Variants in COL4A3 observed in about 807,000 individuals in gnomAD.
The protein encoded by COL4A3 is collagen type IV alpha 3 chain.
COL4A3 carries 135 observed loss-of-function variants against 217.4 expected under a neutral mutation model. That is an observed-to-expected ratio of 0.62 (90% CI 0.54 to 0.72). The LOEUF is 0.72. Ranked by LOEUF, COL4A3 falls within the 30% of genes least tolerant of loss-of-function variation. COL4A3 has a pLI of 0.00. For missense variants in COL4A3, 1,868 were observed against 2,119.9 expected (o/e 0.88, Z 2.33); for synonymous variants, 690 against 736.3 (o/e 0.94, Z 1.02).
intron 1 of COL4A3, among the ~76,000 whole-genome samples, chr2:227,189,676 C>A (rs1288480519): frequency 6.6e-6 from 1 of 152,158 alleles, no homozygotes; most frequent in African/African-American, 2.4e-5. Flanking sequence ...TTGTAAGTAA[C>A]CTAAAACTCT....
At position 227,226,531 on chromosome 2, in the gene COL4A3, G is replaced by A. The variant is rs1358228821; in HGVS notation, c.88-11437G>A. On this transcript the variant is annotated intron_variant, in intron 1 of 51. Transcript: ENST00000396578. The stretch of plus-strand genomic sequence containing the variant: ...GTTGCCCAGGCTGGAGTACAGTGGT[G>A]CAATCTTTGCTTACTGTAACCTTCA... Among the ~76,000 whole-genome samples the A allele has an allele frequency of 2.0e-5, 3 of 151,434 alleles. No individual in the cohort carries two copies. In the East Asian group the frequency reaches 5.8e-4, roughly 29 times the overall value.
At chr2:227,251,279 G>C in intron 10 of COL4A3, 57 bp from the exon 11 acceptor site, 1 of 1,597,554 alleles carries the variant, frequency 6.3e-7, no homozygotes, top group Non-Finnish European at 8.6e-7. Flanking sequence ...GTTATTAAAA[G>C]AATTTTTCTG....
chr2:227,254,776 G>A, intron 15 of COL4A3, 61 bp downstream of exon 15: 1 of 1,214,436 alleles, frequency 8.2e-7, no homozygotes, highest in Middle Eastern at 1.9e-4. Flanking sequence ...GGACTCTTTA[G>A]GTTACAGGAA....
In COL4A3 at chr2:227,164,774, C is replaced by T; in HGVS notation, c.48C>T (p.Leu16=). The change falls in exon 1 of 52, where the codon CTC becomes CTT. Residue 16 remains leucine (L), a synonymous_variant. Coordinates refer to ENST00000396578, the MANE Select transcript of COL4A3 (RefSeq NM_000091.5). The surrounding 1 kb of genome is among the most constrained non-coding windows in gnomAD (Gnocchi z 4.8). ...APRPQVLLLP[L]LLVLLAAAPA... The stretch of plus-strand genomic sequence containing the variant: ...GGCCGCAGGTGCTCCTGCTGCCGCT[C>T]CTGCTGGTGCTCCTGGCGGCGGCGC... The T allele has an allele frequency of 2.0e-6, 3 of 1,522,310 alleles. No homozygotes were observed. Among genetic ancestry groups the T allele is most frequent in the Non-Finnish European group, 2.6e-6 (3 of 1,142,056 alleles). 94.3% of individuals were successfully genotyped at this position (1,522,310 alleles called of 1,614,324 possible).
intron 48 of COL4A3, 54 bp downstream of exon 48, chr2:227,307,973 T>A (rs2073582423): frequency 1.3e-6 from 2 of 1,494,634 alleles, no homozygotes; most frequent in African/African-American, 2.8e-5. Context: ...AGATTGTAAA[T>A]CTTTATAGCC....
chr2:227,273,849 G>A (rs1490105669), intron 26 of COL4A3, among the ~76,000 whole-genome samples: 2 of 152,196 alleles, frequency 1.3e-5, no homozygotes, highest in African/African-American at 2.4e-5. Flanking sequence ...TATACTGGCC[G>A]TAGTTCTGGA....
chr2:227,223,567 C>CGCCCT (rs1559841522), intron 1 of COL4A3, among the ~76,000 whole-genome samples: 31 of 96,660 alleles, frequency 3.2e-4, no homozygotes, highest in Non-Finnish European at 6.6e-4. Context: ...GACGCCCCCC[C>CGCCCT]AACTCTACTA....
intron 1 of COL4A3, among the ~76,000 whole-genome samples, chr2:227,235,650 T>C (rs531169686): frequency 2.0e-5 from 3 of 152,308 alleles, no homozygotes; most frequent in African/African-American, 4.8e-5. Context: ...TGTGTACTTA[T>C]AGCTTAGTTC....
intron 1 of COL4A3, among the ~76,000 whole-genome samples, chr2:227,207,420 C>T (rs769250754): frequency 6.6e-6 from 1 of 152,094 alleles, no homozygotes; most frequent in South Asian, 2.1e-4. Flanking sequence ...CTCTCGTAGC[C>T]GAAACACAGG....
chr2:227,306,885 G>A (rs2073526264), intron 47 of COL4A3, among the ~76,000 whole-genome samples: 1 of 152,076 alleles, frequency 6.6e-6, no homozygotes, highest in Non-Finnish European at 1.5e-5. Flanking sequence ...GGGAGTCAGC[G>A]TACAGTGGCA....
At chr2:227,171,111 C>G (rs1313947807) in intron 1 of COL4A3, among the ~76,000 whole-genome samples, 1 of 152,118 alleles carries the variant, frequency 6.6e-6, no homozygotes, top group Admixed American at 6.6e-5. Context: ...ACATAAAGAC[C>G]ATTCGGGTCA....
intron 1 of COL4A3, among the ~76,000 whole-genome samples, chr2:227,217,508 G>C (rs2067571100): frequency 6.6e-6 from 1 of 152,122 alleles, no homozygotes; most frequent in Admixed American, 6.5e-5. Context: ...TTGACTGTTT[G>C]TACCAATAGC....
In COL4A3 at chr2:227,269,996, T is replaced by C; in HGVS notation, c.1575+16T>C. The C allele has an allele frequency of 2.5e-6, 4 of 1,605,888 alleles. No individual in the cohort carries two copies. The highest frequency in any genetic ancestry group is 3.4e-6 in the Non-Finnish European group (4 of 1,173,156). ...AGGATTTCCAGTAAGATTTCATGTTTTTAAATCTTTAGCTTCAATTTGACA... is the reference window on the plus strand; with the variant it reads ...AGGATTTCCAGTAAGATTTCATGTTCTTAAATCTTTAGCTTCAATTTGACA... On this transcript the variant is annotated intron_variant, in intron 24 of 51. Transcript: ENST00000396578.
chr2:227,186,225 A>G (rs565672547), intron 1 of COL4A3, among the ~76,000 whole-genome samples: 2 of 152,326 alleles, frequency 1.3e-5, no homozygotes, highest in South Asian at 2.1e-4. Context: ...CGATCACAGC[A>G]CTGTTGAATA....
intron 1 of COL4A3, among the ~76,000 whole-genome samples, chr2:227,223,858 T>C (rs776903807): frequency 1.3e-5 from 2 of 152,202 alleles, no homozygotes; most frequent in Non-Finnish European, 2.9e-5. Context: ...ATTAATTAGA[T>C]AGTGTCTATT....
intron 5 of COL4A3, chr2:227,245,590 A>T (rs1478060531): frequency 2.9e-6 from 1 of 349,880 alleles, no homozygotes; most frequent in Non-Finnish European, 5.5e-6. Context: ...GGGTAGAATG[A>T]AATGATTGTA....
chr2:227,210,875 TG>T (rs71036165), intron 1 of COL4A3, among the ~76,000 whole-genome samples: 124,584 of 150,848 alleles, frequency 0.83, 52,097 homozygotes, highest in Non-Finnish European at 0.9. Context: ...TTCACCTGTT[TG>T]GGGGGAACTC....
chr2:227,195,910 C>CAA (rs56214927), intron 1 of COL4A3, among the ~76,000 whole-genome samples: 94,622 of 150,178 alleles, frequency 0.63, 29,963 homozygotes, highest in East Asian at 0.67. Flanking sequence ...GTATTCTTAA[C>CAA]AAAAAAAGCT....
chr2:227,177,398 G>A (rs903745689), intron 1 of COL4A3, among the ~76,000 whole-genome samples: 5 of 151,634 alleles, frequency 3.3e-5, no homozygotes, highest in East Asian at 1.9e-4. Context: ...CTCATGATCC[G>A]CCCGCCTCGG....
Sources: allele counts gnomAD v4.1 joint callset (sites outside exome capture counted in the v4.1 genomes callset), GRCh38; gene constraint gnomAD v4.1.1; non-coding constraint Gnocchi (gnomAD v3.1); transcripts MANE v1.5; gene names NCBI Gene and HGNC (gene_info 2026-07-23, HGNC 2026-07-21).